FOXO1: variants seen among roughly 807,000 people sequenced by gnomAD.
The protein encoded by FOXO1 is forkhead box O1.
Under a neutral mutation model 44.1 loss-of-function variants are expected in FOXO1, and 6 were observed. The ratio of observed to expected loss-of-function variants is 0.14; its 90% CI spans 0.07 to 0.27. The LOEUF (loss-of-function observed/expected upper bound fraction) is 0.27. FOXO1 is among the 10% of genes least tolerant of loss of function. The pLI is 1.00. For synonymous variants in FOXO1, 380 were observed against 362.7 expected, an observed-to-expected ratio of 1.05 and a Z score of -0.54; for missense variants, 737 against 888.8, an observed-to-expected ratio of 0.83 and a Z score of 2.17.
intron 1 of FOXO1, among the ~76,000 whole-genome samples, chr13:40,652,135 C>A (rs868531607): frequency 1.3e-5 from 2 of 152,166 alleles, no homozygotes; most frequent in African/African-American, 4.8e-5. Flanking sequence ...CCTCCCCACT[C>A]CCCGTTTAGG....
In FOXO1 at chr13:40,597,190, A is replaced by G. The variant is rs533219978; in HGVS notation, c.631-36330T>C. Reference sequence around the variant, plus strand: ...ACACGTGATTAATGCTTTAATATCTAGTCTTTCCTTATACATTCTCAATCA... The same window carrying G: ...ACACGTGATTAATGCTTTAATATCTGGTCTTTCCTTATACATTCTCAATCA... On this transcript the variant is annotated intron_variant, in intron 1 of 2. Coordinates refer to ENST00000379561, the MANE Select transcript of FOXO1 (RefSeq NM_002015.4). 7.9e-5 allele frequency among the ~76,000 whole-genome samples: 10 copies of G among 126,804 alleles called. No individual in the cohort carries two copies. The East Asian group carries it at 4.2e-3, about 53-fold the overall frequency. The allele number at this position is 126,804 out of a possible 152,430, so 83.2% of individuals were successfully genotyped here.
intron 1 of FOXO1, among the ~76,000 whole-genome samples, chr13:40,628,387 A>ACACACCCACC (rs1445854283): frequency 2.6e-5 from 4 of 151,182 alleles, no homozygotes; most frequent in African/African-American, 9.8e-5. Flanking sequence ...ACACACACAC[A>ACACACCCACC]CACCCCGTGA....
chr13:40,571,129 G>A (rs936148156), intron 1 of FOXO1, among the ~76,000 whole-genome samples: 1 of 151,770 alleles, frequency 6.6e-6, no homozygotes, highest in African/African-American at 2.4e-5. Context: ...TGGATATCCA[G>A]AGACTAAATT....
intron 1 of FOXO1, chr13:40,620,521 C>A: frequency 2.1e-6 from 1 of 473,860 alleles, no homozygotes; most frequent in South Asian, 2.3e-5. Flanking sequence ...AGGGAGGGTT[C>A]AACCACTAGA....
chr13:40,589,794 G>A (rs1194010883), intron 1 of FOXO1, among the ~76,000 whole-genome samples: 2 of 152,198 alleles, frequency 1.3e-5, no homozygotes, highest in Non-Finnish European at 2.9e-5. Flanking sequence ...CATTGTTTCA[G>A]TGCAGGGAGC....
chr13:40,575,168 C>G (rs557847362), intron 1 of FOXO1, among the ~76,000 whole-genome samples: 2 of 150,922 alleles, frequency 1.3e-5, no homozygotes, highest in Non-Finnish European at 2.9e-5. Context: ...CATCCTGTCT[C>G]TACATTAAAA....
chr13:40,666,508 G>T lies in FOXO1; in HGVS notation c.-296C>A. On this transcript the variant is annotated 5_prime_UTR_variant, in exon 1 of 3. Transcript: ENST00000379561. ...GCGCCGCGCTCCAGCTGACAGGGCC[G>T]CGGACGGAAGGACGGACGGACGCCG... 3.2e-6 allele frequency: 1 copy of T among 314,978 alleles called. No individual in the cohort carries two copies. The highest frequency in any genetic ancestry group is 5.0e-5 in the Admixed American group (1 of 20,026). The allele number at this position is 314,978 out of a possible 1,614,324, so 19.5% of individuals were successfully genotyped here.
At chr13:40,604,745 C>A (rs144031400) in intron 1 of FOXO1, among the ~76,000 whole-genome samples, 1 of 152,144 alleles carries the variant, frequency 6.6e-6, no homozygotes, top group East Asian at 1.9e-4. Flanking sequence ...CCTAAAAAGT[C>A]TTATGTATAA....
rs575120234 is a variant in FOXO1, at chr13:40,629,923, C to G, written c.630+35660G>C. 1.2e-4 allele frequency among the ~76,000 whole-genome samples: 19 copies of G among 152,316 alleles called. 2 individuals are homozygous for G. In the South Asian group the frequency reaches 3.9e-3, roughly 32 times the overall value. ...GCTAGTAAAGTGAGCATAAATCATTCTGAAACCAGAGGACCTACAACAAGT... is the reference window on the plus strand; with the variant it reads ...GCTAGTAAAGTGAGCATAAATCATTGTGAAACCAGAGGACCTACAACAAGT... On this transcript the variant is annotated intron_variant, in intron 1 of 2. Transcript: ENST00000379561.
At chr13:40,622,244 A>G (rs1037292129) in intron 1 of FOXO1, among the ~76,000 whole-genome samples, 5 of 152,242 alleles carry the variant, frequency 3.3e-5, no homozygotes, top group African/African-American at 1.2e-4. Flanking sequence ...AAAAAAGTCT[A>G]TAAAGAATCG....
intron 1 of FOXO1, among the ~76,000 whole-genome samples, chr13:40,664,134 G>C (rs1021016783): frequency 3.9e-5 from 6 of 152,152 alleles, no homozygotes; most frequent in African/African-American, 1.4e-4. Flanking sequence ...TTAGCTCGAC[G>C]TGGTGGCTCG....
chr13:40,603,353 CA>C (rs60741629), intron 1 of FOXO1, among the ~76,000 whole-genome samples: 28,527 of 73,968 alleles, frequency 0.39, 2,208 homozygotes, highest in East Asian at 0.57. Context: ...CAGATGAATC[CA>C]AAAAAAAAAA....
chr13:40,571,550 A>G (rs1212445889), intron 1 of FOXO1, among the ~76,000 whole-genome samples: 1 of 152,108 alleles, frequency 6.6e-6, no homozygotes, highest in Non-Finnish European at 1.5e-5. Context: ...AATCCACAGC[A>G]GACAGCCACA....
chr13:40,633,941 C>G (rs1417228513), intron 1 of FOXO1, among the ~76,000 whole-genome samples: 1 of 152,130 alleles, frequency 6.6e-6, no homozygotes, highest in African/African-American at 2.4e-5. Context: ...GCATGCTATT[C>G]CTATTTTGCC....
chr13:40,584,501 A>AAAAGC (rs1555248680), intron 1 of FOXO1, among the ~76,000 whole-genome samples: 31 of 117,194 alleles, frequency 2.6e-4, no homozygotes, highest in South Asian at 5.8e-4. Flanking sequence ...AAAAAAAAAA[A>AAAAGC]GCCAGATGCA....
chr13:40,624,317 T>TAAAAAAAAAAAAAAAA (rs10552634), intron 1 of FOXO1, among the ~76,000 whole-genome samples: 3 of 100,952 alleles, frequency 3.0e-5, no homozygotes, highest in Non-Finnish European at 4.2e-5. Flanking sequence ...TAATACTGCT[T>TAAAAAAAAAAAAAAAA]AAAAAAAAAA....
At chr13:40,614,624 A>G (rs532300752) in intron 1 of FOXO1, among the ~76,000 whole-genome samples, 13 of 152,314 alleles carry the variant, frequency 8.5e-5, no homozygotes, top group Admixed American at 2.0e-4. Context: ...TGCAGAGAAG[A>G]AAGCACAAGG....
At chr13:40,659,795 T>G (rs1451229445) in intron 1 of FOXO1, among the ~76,000 whole-genome samples, 1 of 152,070 alleles carries the variant, frequency 6.6e-6, no homozygotes, top group Non-Finnish European at 1.5e-5. Flanking sequence ...GAAGACGGAA[T>G]AGAGTAAACT....
chr13:40,657,488 A>G (rs1429724577), intron 1 of FOXO1, among the ~76,000 whole-genome samples: 2 of 151,898 alleles, frequency 1.3e-5, no homozygotes, highest in Non-Finnish European at 2.9e-5. Context: ...GCATGCCACC[A>G]CACTCACTTA....
Sources: allele counts gnomAD v4.1 joint callset (sites outside exome capture counted in the v4.1 genomes callset), GRCh38; gene constraint gnomAD v4.1.1; transcripts MANE v1.5; gene names NCBI Gene and HGNC (gene_info 2026-07-23, HGNC 2026-07-21).